MAGED2: variants seen among roughly 807,000 people sequenced by gnomAD.
MAGED2 encodes MAGE family member D2.
A neutral mutation model predicts 41.7 loss-of-function variants in MAGED2; 6 were observed. The observed-to-expected ratio is 0.14, with a 90% CI of 0.08 to 0.28. The LOEUF is 0.28. Among genes scored for constraint, MAGED2 ranks in the 10% least tolerant of loss-of-function variants. The pLI, the probability that MAGED2 is intolerant of heterozygous loss-of-function variation, is 1.00. For missense variants in MAGED2, 343 were observed against 486.4 expected, an observed-to-expected ratio of 0.71 and a Z score of 2.77; for synonymous variants, 146 against 178.2, an observed-to-expected ratio of 0.82 and a Z score of 1.44.
intron 1 of MAGED2, 104 bp downstream of exon 1, chrX:54,807,906 C>T (rs1249180284): frequency 1.8e-5 from 2 of 112,993 alleles, no homozygotes; most frequent in Non-Finnish European, 3.8e-5. Flanking sequence ...ACCACTGCAG[C>T]TGAAGCAGAG....
intron 3 of MAGED2, 54 bp downstream of exon 3, chrX:54,810,267 C>G: frequency 1.3e-6 from 1 of 766,723 alleles, no homozygotes; most frequent in African/African-American, 2.1e-5. Flanking sequence ...TCAGTTGATT[C>G]ATTTGTTCTA....
chrX:54,810,294 T>C, intron 3 of MAGED2, 81 bp downstream of exon 3: 1 of 631,489 alleles, frequency 1.6e-6, no homozygotes, highest in Non-Finnish European at 2.3e-6. Context: ...TTTAGAAAGA[T>C]CCCTGTGCTC....
chrX:54,809,059 T>C, intron 1 of MAGED2: 1 of 384,044 alleles, frequency 2.6e-6, no homozygotes, highest in Non-Finnish European at 4.6e-6. Context: ...GGGGGTGCAC[T>C]GGGAAAAGGG....
chrX:54,814,681 T>G lies in MAGED2; in HGVS notation c.1292T>G (p.Val431Gly). The change falls in exon 11 of 13, where the codon GTC becomes GGC. Residue 431 changes from valine (V) to glycine (G), a missense_variant. By Grantham distance (109) the Val-to-Gly change is moderately radical. Around this residue, in one of 3 missense-constraint regions of MAGED2, gnomAD observed 95 missense variants for 204.8 expected, o/e 0.46. Coordinates refer to ENST00000375068, the MANE Select transcript of MAGED2 (RefSeq NM_177433.3). ...CCAAGGTACCTGGACTATGCCAGAG[T>G]CCCCAATAGCAATCCCCCTGAATAT... ...VKQKYLDYAR[V>G]PNSNPPEYEF... 8.3e-7 allele frequency: 1 copy of G among 1,206,103 alleles called. No homozygotes were observed. Among genetic ancestry groups the G allele is most frequent in the Non-Finnish European group, 1.1e-6 (1 of 890,488 alleles).
At chrX:54,809,483 A>C in intron 2 of MAGED2, 107 bp downstream of exon 2, 1 of 926,798 alleles carries the variant, frequency 1.1e-6, no homozygotes, top group Non-Finnish European at 1.6e-6. Context: ...TTCTCCACCT[A>C]CTTTCCTGCC....
chrX:54,812,295 C>G, intron 7 of MAGED2, 44 bp downstream of exon 7: 1 of 820,489 alleles, frequency 1.2e-6, no homozygotes, highest in Non-Finnish European at 1.8e-6. Flanking sequence ...TCTGCTTTGG[C>G]CATGTGCTGC....
intron 1 of MAGED2, chrX:54,808,581 C>G (rs1272741403): frequency 8.9e-6 from 1 of 111,998 alleles, no homozygotes; most frequent in Admixed American, 9.5e-5. Flanking sequence ...TTGGCCGGGC[C>G]CAAGATGGAA....
intron 5 of MAGED2, 76 bp downstream of exon 5, chrX:54,811,389 C>T: frequency 9.8e-7 from 1 of 1,019,326 alleles, no homozygotes; most frequent in Non-Finnish European, 1.4e-6. Flanking sequence ...TGGGGATATC[C>T]CCTGCTCTTA....
At chrX:54,809,423 C>A in intron 2 of MAGED2, 47 bp downstream of exon 2, 1 of 1,116,253 alleles carries the variant, frequency 9.0e-7, no homozygotes, top group Non-Finnish European at 1.2e-6. Flanking sequence ...CCTCTCCAGC[C>A]CTTGTTGCTG....
At chrX:54,810,344 T>C (rs1929764815) in intron 3 of MAGED2, 131 bp downstream of exon 3, 4 of 438,088 alleles carry the variant, frequency 9.1e-6, no homozygotes, top group Non-Finnish European at 1.5e-5. Flanking sequence ...TGTGATGTAA[T>C]TCCTGTCTTC....
chrX:54,809,938 C>G lies in MAGED2; in HGVS notation c.262C>G (p.Gln88Glu), dbSNP rs1432384861. 6.7e-6 allele frequency: 8 copies of G among 1,200,461 alleles called. No individual in the cohort carries two copies. The Admixed American group carries it at 1.3e-4, about 20-fold the overall frequency. The change falls in exon 3 of 13, where the codon CAG becomes GAG. Residue 88 changes from glutamine (Q) to glutamate (E), a missense_variant. Gln to Glu is a conservative substitution (Grantham distance 29, BLOSUM62 2). Coordinates refer to ENST00000375068, the MANE Select transcript of MAGED2 (RefSeq NM_177433.3). ...TGCCACCCAGGCCTCATCTACTACTCAGCTGACTGATACCCAGGTTCTGGC... is the reference window on the plus strand; with the variant it reads ...TGCCACCCAGGCCTCATCTACTACTGAGCTGACTGATACCCAGGTTCTGGC... The part of the protein sequence containing the change: ...APATQASSTT[Q>E]LTDTQVLAAE...
At chrX:54,813,377 T>A in intron 9 of MAGED2, 111 bp from the exon 10 acceptor site, 1 of 862,023 alleles carries the variant, frequency 1.2e-6, no homozygotes, top group Non-Finnish European at 1.7e-6. Flanking sequence ...AGCTTCCCTC[T>A]TGTGCTGGAA....
Position 54,815,323 on chromosome X carries a change from G to A in MAGED2, c.1462G>A (p.Glu488Lys), listed in dbSNP as rs779634966. 33 of 1,196,826 alleles carry A rather than the reference G, an allele frequency of 2.8e-5. No individual in the cohort carries two copies. The highest frequency in any genetic ancestry group is 3.6e-5 in the Non-Finnish European group (32 of 887,484). Residue 488 changes from glutamate (E) to lysine (K), a missense_variant, in exon 12 of 13, where the codon GAG (glutamate) becomes AAG (lysine). Around this residue, in one of 3 missense-constraint regions of MAGED2, gnomAD observed 95 missense variants for 204.8 expected, o/e 0.46. Coordinates refer to ENST00000375068, the MANE Select transcript of MAGED2 (RefSeq NM_177433.3). ...GGAAGCGGATTTGAAGGCTGCAGCT[G>A]AGGCTGCAGCTGAAGCCAAGGCTAG... ...AMEADLKAAA[E>K]AAAEAKARAE...
chrX:54,811,333 C>T lies in MAGED2; in HGVS notation c.910+20C>T, dbSNP rs770721700. ...GCTCGGGTAAAGTCCTACCAATCCT[C>T]CCTCTGCCCTGAGCTCTGCCCTCCA... On this transcript the variant is annotated intron_variant, in intron 5 of 12. Transcript: ENST00000375068. 53 of 1,192,191 alleles carry T rather than the reference C, an allele frequency of 4.4e-5. No individual in the cohort carries two copies. Among genetic ancestry groups the T allele is most frequent in the Non-Finnish European group, 5.8e-5 (51 of 878,483 alleles).
At chrX:54,814,471 T>G (rs745353749) in intron 10 of MAGED2, 190 bp from the exon 11 acceptor site, 4 of 543,817 alleles carry the variant, frequency 7.4e-6, no homozygotes, top group Non-Finnish European at 1.3e-5. Context: ...AACTTGTGGC[T>G]TCCCTATGAA....
chrX:54,812,725 A>G (rs1049164905), intron 7 of MAGED2, among the ~76,000 whole-genome samples: 6 of 112,383 alleles, frequency 5.3e-5, no homozygotes, highest in African/African-American at 1.9e-4. Context: ...CTTCTTGGAA[A>G]CCCAGGGAAG....
chrX:54,809,303 G>A lies in MAGED2; in HGVS notation c.-29G>A, dbSNP rs202084450. 1 of 1,207,200 alleles carries A rather than the reference G, an allele frequency of 8.3e-7. No individual in the cohort carries two copies. The highest frequency in any genetic ancestry group is 3.0e-5 in the East Asian group (1 of 33,736). On this transcript the variant is annotated splice_region_variant and 5_prime_UTR_variant, in exon 2 of 13. Coordinates refer to ENST00000375068, the MANE Select transcript of MAGED2 (RefSeq NM_177433.3). Reference sequence around the variant, plus strand: ...TTGACCCAGGCCTTCTCCCCTTCAGGCTCAGCTCTTGCCAGGCCAAATTGA... The same window carrying A: ...TTGACCCAGGCCTTCTCCCCTTCAGACTCAGCTCTTGCCAGGCCAAATTGA...
chrX:54,811,346 G>C (rs1929797807), intron 5 of MAGED2, 33 bp downstream of exon 5: 2 of 1,157,182 alleles, frequency 1.7e-6, no homozygotes, highest in African/African-American at 3.5e-5. Context: ...TCTGCCCTGA[G>C]CTCTGCCCTC....
intron 5 of MAGED2, 60 bp from the exon 6 acceptor site, chrX:54,811,513 TG>T: frequency 9.9e-7 from 1 of 1,009,385 alleles, no homozygotes; most frequent in Non-Finnish European, 1.4e-6. Flanking sequence ...GTCTATAGCT[TG>T]GGCATCAGGG....
Sources: allele counts gnomAD v4.1 joint callset (sites outside exome capture counted in the v4.1 genomes callset), GRCh38; gene constraint gnomAD v4.1.1; regional missense constraint gnomAD v4.1.1; transcripts MANE v1.5; gene names NCBI Gene and HGNC (gene_info 2026-07-23, HGNC 2026-07-21).